The following OPHN1 variants were observed in gnomAD, a reference collection of about 807,000 sequenced individuals.
OPHN1 encodes the protein oligophrenin-1.
In OPHN1, 11 loss-of-function variants were observed where a neutral mutation model predicts 60.7. The observed-to-expected ratio is 0.18, with a 90% CI of 0.11 to 0.30. OPHN1 has a LOEUF of 0.30. Among genes scored for constraint, OPHN1 ranks in the 10% least tolerant of loss-of-function variants. OPHN1 has a pLI of 1.00. For missense variants in OPHN1, 449 were observed against 611.0 expected (o/e 0.73, Z 2.80); for synonymous variants, 226 against 222.6 (o/e 1.02, Z -0.14).
In OPHN1 at chrX:68,200,282, C is replaced by A. The variant is rs189161112; in HGVS notation, c.1025+1337G>T. Among the ~76,000 whole-genome samples, 5 of 110,568 alleles carry A rather than the reference C, an allele frequency of 4.5e-5. 1 individual carries two copies. The highest frequency in any genetic ancestry group is 9.5e-5 in the Non-Finnish European group (5 of 52,699). On this transcript the variant is annotated intron_variant, in intron 11 of 24. Transcript: ENST00000355520. ...GCATCAAAACTTTAATCCCTGGGTT[C>A]TAGTGTCGAAAATTCTTCAGCATTC...
chrX:68,056,344 T>A (rs1173245228), intron 21 of OPHN1, among the ~76,000 whole-genome samples: 3 of 111,721 alleles, frequency 2.7e-5, no homozygotes, highest in Non-Finnish European at 5.6e-5. Context: ...TCCATGTAAA[T>A]GTTCGTGAAG....
intron 19 of OPHN1, among the ~76,000 whole-genome samples, chrX:68,081,010 G>A (rs942830271): frequency 1.8e-5 from 2 of 111,059 alleles, no homozygotes; most frequent in Admixed American, 1.9e-4. Flanking sequence ...CATCCTGAGT[G>A]TTAGTTGGTT....
intron 2 of OPHN1, among the ~76,000 whole-genome samples, chrX:68,382,151 C>A (rs1205139344): frequency 3.6e-5 from 4 of 110,602 alleles, no homozygotes; most frequent in Non-Finnish European, 7.5e-5. Context: ...AGTTCAAGAC[C>A]AGCCTGGCCA....
At chrX:68,289,151 T>A (rs994090471) in intron 3 of OPHN1, among the ~76,000 whole-genome samples, 1 of 110,869 alleles carries the variant, frequency 9.0e-6, no homozygotes, top group Middle Eastern at 4.6e-3. Flanking sequence ...AACAACACCA[T>A]CATCAATAAT....
Position 68,043,372 on chromosome X carries a change from A to T in OPHN1, c.*3800T>A, listed in dbSNP as rs1445412324. ...TGTACCCTAAAACTTAGAGTATAATAAAAAAAAGAAAAAAAAAAGAAAAAA... is the reference window on the plus strand; with the variant it reads ...TGTACCCTAAAACTTAGAGTATAATTAAAAAAAGAAAAAAAAAAGAAAAAA... On this transcript the variant is annotated 3_prime_UTR_variant, in exon 25 of 25. Coordinates refer to ENST00000355520, the MANE Select transcript of OPHN1 (RefSeq NM_002547.3). The T allele has an allele frequency of 4.2e-5, 4 of 94,585 alleles. No homozygotes were observed. The highest frequency in any genetic ancestry group is 8.0e-5 in the Non-Finnish European group (4 of 49,856). 7.8% of individuals were successfully genotyped at this position (94,585 alleles called of 1,213,427 possible). A position where few individuals can be genotyped will look rare whatever the true frequency, so the allele number is the denominator to read the frequency against.
At chrX:68,418,175 G>A (rs2078808257) in intron 2 of OPHN1, among the ~76,000 whole-genome samples, 1 of 111,839 alleles carries the variant, frequency 8.9e-6, no homozygotes, top group Admixed American at 9.5e-5. Flanking sequence ...GTCAGAGGCT[G>A]CCTAACACAT....
intron 2 of OPHN1, among the ~76,000 whole-genome samples, chrX:68,415,966 G>C (rs2078791902): frequency 9.6e-6 from 1 of 104,486 alleles, no homozygotes; most frequent in African/African-American, 3.6e-5. Context: ...AATGAGCTGA[G>C]ATCGTGCCAC....
In OPHN1 at chrX:68,389,968, G is replaced by T. The variant is rs375587497; in HGVS notation, c.154+42899C>A. Among the ~76,000 whole-genome samples, 9 of 111,752 alleles carry T rather than the reference G, an allele frequency of 8.1e-5. No individual in the cohort carries two copies. In the East Asian group the frequency reaches 1.1e-3, roughly 14 times the overall value. Reference sequence around the variant, plus strand: ...ACTCACAGTTCCACAGGGTTGGGAAGGCCTCAGGAAACTTACAACAGAAGG... The same window carrying T: ...ACTCACAGTTCCACAGGGTTGGGAATGCCTCAGGAAACTTACAACAGAAGG... On this transcript the variant is annotated intron_variant, in intron 2 of 24. Transcript: ENST00000355520.
chrX:68,063,665 C>T (rs1174541594), intron 21 of OPHN1, among the ~76,000 whole-genome samples, 189 bp downstream of exon 21: 3 of 112,474 alleles, frequency 2.7e-5, no homozygotes, highest in Admixed American at 9.4e-5. Context: ...TAAAAAATCC[C>T]GGCCCTCATG....
chrX:68,422,605 A>G (rs761926566), intron 2 of OPHN1, among the ~76,000 whole-genome samples: 5 of 59,122 alleles, frequency 8.5e-5, no homozygotes, highest in African/African-American at 2.3e-4. Context: ...GAAAAAGAAA[A>G]GAAAAAGAGA....
chrX:68,085,046 G>A (rs2076990174), intron 19 of OPHN1, among the ~76,000 whole-genome samples: 1 of 112,447 alleles, frequency 8.9e-6, no homozygotes, highest in South Asian at 3.7e-4. Flanking sequence ...GGCAATTGCT[G>A]TAGTAAGAAG....
chrX:68,044,288 G>C lies in OPHN1; in HGVS notation c.*2884C>G, dbSNP rs1415562344. On this transcript the variant is annotated 3_prime_UTR_variant, in exon 25 of 25. Coordinates refer to ENST00000355520, the MANE Select transcript of OPHN1 (RefSeq NM_002547.3). The stretch of plus-strand genomic sequence containing the variant: ...GTGTGGCAAAGGGAAAACAGCATGG[G>C]CTAAGAGTGGCCTGGATTCAAATCA... 2 of 112,548 alleles carry C rather than the reference G, an allele frequency of 1.8e-5. No homozygotes were observed. The highest frequency in any genetic ancestry group is 9.4e-5 in the Admixed American group (1 of 10,644). The allele number at this position is 112,548 out of a possible 1,213,427, so 9.3% of individuals were successfully genotyped here.
chrX:68,062,606 T>A (rs1038540652), intron 21 of OPHN1, among the ~76,000 whole-genome samples: 7 of 112,225 alleles, frequency 6.2e-5, no homozygotes, highest in Non-Finnish European at 1.3e-4. Context: ...CTTATTCATT[T>A]CTATGTCTTC....
intron 15 of OPHN1, among the ~76,000 whole-genome samples, chrX:68,175,261 T>C (rs1457612119): frequency 9.0e-6 from 1 of 111,207 alleles, no homozygotes; most frequent in Non-Finnish European, 1.9e-5. Context: ...ATAATTATGT[T>C]CCTTTAAGTA....
At position 68,096,768 on chromosome X, in the gene OPHN1, C is replaced by T; in HGVS notation, c.1686+102G>A. On this transcript the variant is annotated intron_variant, in intron 19 of 24. Transcript: ENST00000355520. Reference sequence around the variant, plus strand: ...ATTGTGTCATAATGGGATTTCCTTTCACTGTCAACGTGAGCCAAGGAGGAA... The same window carrying T: ...ATTGTGTCATAATGGGATTTCCTTTTACTGTCAACGTGAGCCAAGGAGGAA... 6 of 838,029 alleles carry T rather than the reference C, an allele frequency of 7.2e-6. No homozygotes were observed. In the South Asian group the frequency reaches 1.2e-4, roughly 17 times the overall value. 69.1% of individuals were successfully genotyped at this position (838,029 alleles called of 1,213,427 possible).
intron 2 of OPHN1, among the ~76,000 whole-genome samples, chrX:68,348,935 G>C (rs761126002): frequency 9.0e-6 from 1 of 111,553 alleles, no homozygotes; most frequent in Non-Finnish European, 1.9e-5. Context: ...GCAAGTAGGA[G>C]GTGTGGAGGG....
At chrX:68,325,439 A>G (rs1035057852) in intron 2 of OPHN1, among the ~76,000 whole-genome samples, 2 of 105,141 alleles carry the variant, frequency 1.9e-5, no homozygotes, top group African/African-American at 6.9e-5. Flanking sequence ...ATCACAAACT[A>G]TTGAAAAAAG....
At chrX:68,291,762 C>T (rs1161320736) in intron 3 of OPHN1, among the ~76,000 whole-genome samples, 1 of 110,641 alleles carries the variant, frequency 9.0e-6, no homozygotes, top group Admixed American at 9.6e-5. Context: ...TTCTTCATGC[C>T]TCCCATAAGA....
At chrX:68,158,231 C>T (rs983631776) in intron 15 of OPHN1, among the ~76,000 whole-genome samples, 1 of 112,715 alleles carries the variant, frequency 8.9e-6, no homozygotes, top group African/African-American at 3.2e-5. Flanking sequence ...GAGAAACTAG[C>T]TAGTGCAAAG....
Sources: gnomAD v4.1 joint callset for allele counts (sites outside exome capture counted in the v4.1 genomes callset) on GRCh38, gnomAD v4.1.1 for gene constraint, MANE v1.5 for transcripts, NCBI Gene and HGNC (gene_info 2026-07-23, HGNC 2026-07-21) for gene names.